PLXNC1: variants seen among roughly 807,000 people sequenced by gnomAD.
PLXNC1 encodes plexin-C1.
A neutral mutation model predicts 178.2 loss-of-function variants in PLXNC1; 75 were observed. That is an observed-to-expected ratio of 0.42 (90% CI 0.35 to 0.51). The LOEUF is 0.51. Among genes scored for constraint, PLXNC1 ranks in the 20% least tolerant of loss-of-function variants. PLXNC1 has a pLI of 0.02. For missense variants in PLXNC1, 1,503 were observed against 1,984.4 expected, an observed-to-expected ratio of 0.76 and a Z score of 4.61; for synonymous variants, 790 against 779.9, an observed-to-expected ratio of 1.01 and a Z score of -0.22.
chr12:94,179,559 G>C (rs1358468925), intron 2 of PLXNC1, among the ~76,000 whole-genome samples: 1 of 152,028 alleles, frequency 6.6e-6, no homozygotes, highest in Non-Finnish European at 1.5e-5. Flanking sequence ...TGGCCAACAT[G>C]GTGAAACCCC....
intron 1 of PLXNC1, among the ~76,000 whole-genome samples, chr12:94,159,385 G>A (rs1961292004): frequency 6.6e-6 from 1 of 152,220 alleles, no homozygotes; most frequent in South Asian, 2.1e-4. Flanking sequence ...GGTTGCAGGT[G>A]TTGGGGTAAG....
intron 24 of PLXNC1, among the ~76,000 whole-genome samples, chr12:94,295,453 T>C (rs989184709): frequency 6.6e-6 from 1 of 152,204 alleles, no homozygotes; most frequent in Non-Finnish European, 1.5e-5. Flanking sequence ...GTTTCAAAGA[T>C]TGGGCCTTTT....
At chr12:94,219,292 T>G (rs1963726386) in intron 5 of PLXNC1, among the ~76,000 whole-genome samples, 1 of 152,172 alleles carries the variant, frequency 6.6e-6, no homozygotes, top group African/African-American at 2.4e-5. Context: ...AAATGGAAAT[T>G]TAATATAGGA....
chr12:94,279,384 G>T, intron 21 of PLXNC1, 88 bp from the exon 22 acceptor site: 1 of 1,092,550 alleles, frequency 9.2e-7, no homozygotes, highest in East Asian at 2.4e-5. Context: ...AGGTATTAGT[G>T]GGACTTGCTA....
intron 28 of PLXNC1, among the ~76,000 whole-genome samples, chr12:94,302,919 G>T (rs981845280): frequency 1.3e-5 from 2 of 152,004 alleles, no homozygotes; most frequent in African/African-American, 4.8e-5. Flanking sequence ...TGATTTCTGG[G>T]TTCCACTTAA....
In PLXNC1 at chr12:94,265,213, A is replaced by G; in HGVS notation, c.3585A>G (p.Glu1195=). Residue 1195 remains glutamate, a synonymous_variant, in exon 21 of 31, where the codon GAA becomes GAG. Coordinates refer to ENST00000258526, the MANE Select transcript of PLXNC1 (RefSeq NM_005761.3). Reference sequence around the variant, plus strand: ...ACTGGCTGTTGTGGCAGGTTCCGGAATTCAGTACTGTGGTATGTTTTCAAT... The same window carrying G: ...ACTGGCTGTTGTGGCAGGTTCCGGAGTTCAGTACTGTGGTATGTTTTCAAT... ...NEDWLLWQVP[E]FSTVALNVVF... 2 of 1,611,454 alleles carry G rather than the reference A, an allele frequency of 1.2e-6. No individual in the cohort carries two copies. Among genetic ancestry groups the G allele is most frequent in the African/African-American group, 2.7e-5 (2 of 74,998 alleles).
intron 21 of PLXNC1, among the ~76,000 whole-genome samples, chr12:94,271,513 C>G (rs1208183385): frequency 6.6e-6 from 1 of 152,192 alleles, no homozygotes; most frequent in Non-Finnish European, 1.5e-5. Flanking sequence ...GTTACATGTT[C>G]CCAGGCCGTG....
chr12:94,295,868 A>C (rs985672210), intron 24 of PLXNC1, among the ~76,000 whole-genome samples: 2 of 152,112 alleles, frequency 1.3e-5, no homozygotes, highest in African/African-American at 4.8e-5. Context: ...TGACCCACAC[A>C]GCTCTCCTCT....
chr12:94,258,452 A>G (rs532866618), intron 17 of PLXNC1, among the ~76,000 whole-genome samples: 18 of 152,344 alleles, frequency 1.2e-4, no homozygotes, highest in Admixed American at 5.2e-4. Flanking sequence ...AGTTTCTATT[A>G]TTATCAAAAA....
intron 1 of PLXNC1, chr12:94,168,270 A>T (rs540742942): frequency 1.3e-5 from 2 of 152,220 alleles, no homozygotes; most frequent in Non-Finnish European, 2.9e-5. Context: ...GGCTCTTCCT[A>T]GCTCCATATC....
At chr12:94,276,906 C>T (rs972152494) in intron 21 of PLXNC1, 1 of 152,170 alleles carries the variant, frequency 6.6e-6, no homozygotes, top group Non-Finnish European at 1.5e-5. Flanking sequence ...GAAACTCGTA[C>T]AGGCCAGACG....
chr12:94,276,381 T>A (rs765906324), intron 21 of PLXNC1, among the ~76,000 whole-genome samples: 3 of 147,824 alleles, frequency 2.0e-5, no homozygotes, highest in African/African-American at 5.0e-5. Context: ...CTCCCACTGG[T>A]GTGGGGAATT....
In PLXNC1 at chr12:94,257,924, T is replaced by G. The variant is rs545038774; in HGVS notation, c.3088-1413T>G. ...ACTCTGTCTCAAAAAAAATAATAAA[T>G]AAATAAAAAGAATTGCTTGAACCTG... is the stretch of plus-strand genomic sequence containing the variant. On this transcript the variant is annotated intron_variant, in intron 17 of 30. Coordinates refer to ENST00000258526, the MANE Select transcript of PLXNC1 (RefSeq NM_005761.3). Among the ~76,000 whole-genome samples, 5 of 121,908 alleles carry G rather than the reference T, an allele frequency of 4.1e-5. No individual in the cohort carries two copies. In the South Asian group the frequency reaches 7.7e-4, roughly 19 times the overall value. The allele number at this position is 121,908 out of a possible 152,430, so 80.0% of individuals were successfully genotyped here. A position where few individuals can be genotyped will look rare whatever the true frequency, so the allele number is the denominator to read the frequency against.
intron 7 of PLXNC1, chr12:94,226,389 G>A (rs1385179369): frequency 2.0e-6 from 1 of 488,070 alleles, no homozygotes; most frequent in Non-Finnish European, 3.7e-6. Flanking sequence ...CCCAGCTTCA[G>A]GTTTCCATGG....
rs138724271 is a variant in PLXNC1, at chr12:94,294,548, A to G, written c.3934+8A>G. 26 of 1,183,494 alleles carry G rather than the reference A, an allele frequency of 2.2e-5. No homozygotes were observed. Among genetic ancestry groups the G allele is most frequent in the Non-Finnish European group, 3.0e-5 (24 of 799,610 alleles). 73.3% of individuals were successfully genotyped at this position (1,183,494 alleles called of 1,614,324 possible). A position where few individuals can be genotyped will look rare whatever the true frequency, so the allele number is the denominator to read the frequency against. ...TAGCAAATTTTACTTCAGGTAACCA[A>G]TATAATATTGTTAACCTTTTGTTCT... is the stretch of plus-strand genomic sequence containing the variant. On this transcript the variant is annotated splice_region_variant and intron_variant, in intron 24 of 30. Transcript: ENST00000258526.
In PLXNC1 at chr12:94,181,525, A is replaced by G; in HGVS notation, c.1283A>G (p.Lys428Arg). ...EIKEETPVFY[K>R]LVPDPVKNIY... Reference sequence around the variant, plus strand: ...AAAGAAGAGACACCTGTTTTCTACAAACTCGTTCCTGATCCTGTGAAGAAT... The same window carrying G: ...AAAGAAGAGACACCTGTTTTCTACAGACTCGTTCCTGATCCTGTGAAGAAT... Residue 428 changes from lysine (K) to arginine (R), a missense_variant, in exon 3 of 31, where the codon AAA becomes AGA. Physicochemically the swap from Lys to Arg is conservative, Grantham distance 26. Coordinates refer to ENST00000258526, the MANE Select transcript of PLXNC1 (RefSeq NM_005761.3). 1.2e-6 allele frequency: 2 copies of G among 1,608,376 alleles called. No homozygotes were observed. Among genetic ancestry groups the G allele is most frequent in the Non-Finnish European group, 1.7e-6 (2 of 1,174,848 alleles).
intron 11 of PLXNC1, among the ~76,000 whole-genome samples, chr12:94,240,983 T>C (rs1190195363): frequency 1.3e-5 from 2 of 152,186 alleles, no homozygotes; most frequent in Non-Finnish European, 2.9e-5. Context: ...ATAAAAGGCT[T>C]CTTTCTTACC....
chr12:94,216,649 T>G (rs1220978528), intron 5 of PLXNC1, among the ~76,000 whole-genome samples: 1 of 152,180 alleles, frequency 6.6e-6, no homozygotes, highest in Non-Finnish European at 1.5e-5. Context: ...GGAAATAACT[T>G]GAAAGAAGAA....
At chr12:94,169,127 T>G (rs112794785) in intron 1 of PLXNC1, 26 bp from the exon 2 acceptor site, 1 of 1,596,852 alleles carries the variant, frequency 6.3e-7, no homozygotes, top group Non-Finnish European at 8.6e-7. Flanking sequence ...ATTATTATTT[T>G]TTTGTGCGTT....
Sources: allele counts gnomAD v4.1 joint callset (sites outside exome capture counted in the v4.1 genomes callset), GRCh38; gene constraint gnomAD v4.1.1; transcripts MANE v1.5; gene names NCBI Gene and HGNC (gene_info 2026-07-23, HGNC 2026-07-21).